BLTP3A: variants seen among roughly 807,000 people sequenced by gnomAD.
BLTP3A encodes the protein bridge-like lipid transfer protein family member 3A, also known as ICBP90 binding protein 1.
chr6:34,804,215 T>G, the BLTP3A span, among the ~76,000 whole-genome samples: 12 of 152,312 alleles, frequency 7.9e-5, no homozygotes, highest in South Asian at 2.5e-3. Context: ...TAGCTCTTCC[T>G]GGATGTCTGG....
the BLTP3A span, among the ~76,000 whole-genome samples, chr6:34,794,519 G>C: frequency 1.3e-5 from 2 of 152,160 alleles, no homozygotes; most frequent in African/African-American, 4.8e-5. Context: ...ACGCAAACAG[G>C]TAATTTTTAT....
chr6:34,801,840 CCATTCTCCTGCCT>C, the BLTP3A span, among the ~76,000 whole-genome samples: 3 of 152,156 alleles, frequency 2.0e-5, no homozygotes, highest in African/African-American at 7.2e-5. Flanking sequence ...CCGGTTCACG[CCATTCTCCTGCCT>C]CAGTCTCCGG....
At chr6:34,827,565 T>C in the BLTP3A span, among the ~76,000 whole-genome samples, 1 of 152,180 alleles carries the variant, frequency 6.6e-6, no homozygotes, top group African/African-American at 2.4e-5. Context: ...GGGGTGTGTA[T>C]GTGTGTTTTA....
chr6:34,859,300 A>G, the BLTP3A span: 2 of 1,613,834 alleles, frequency 1.2e-6, no homozygotes, highest in Non-Finnish European at 1.7e-6. Context: ...GAAACTGAGC[A>G]GAACCCAAGC....
chr6:34,805,936 C>T, the BLTP3A span, among the ~76,000 whole-genome samples: 2 of 151,974 alleles, frequency 1.3e-5, no homozygotes, highest in African/African-American at 2.4e-5. Context: ...ATTTCTCTGT[C>T]TCCTTTTTAA....
At chr6:34,855,784 T>A in the BLTP3A span, 1 of 1,593,748 alleles carries the variant, frequency 6.3e-7, no homozygotes. Context: ...CCCTGACCGC[T>A]TAACAGGAGG....
At chr6:34,838,483 T>C in the BLTP3A span, among the ~76,000 whole-genome samples, 2 of 146,622 alleles carry the variant, frequency 1.4e-5, no homozygotes, top group African/African-American at 2.6e-5. Flanking sequence ...TTTGAAAATA[T>C]CATCTCAAGC....
chr6:34,822,078 T>A, the BLTP3A span: 1 of 1,181,198 alleles, frequency 8.5e-7, no homozygotes, highest in Non-Finnish European at 1.2e-6. Context: ...TATGTCCCTG[T>A]GAGCTTCTCT....
At chr6:34,806,052 T>A in the BLTP3A span, among the ~76,000 whole-genome samples, 1 of 152,224 alleles carries the variant, frequency 6.6e-6, no homozygotes, top group Admixed American at 6.5e-5. Context: ...TAAACCTGGT[T>A]TAACAAGTCT....
chr6:34,816,213 A>C, the BLTP3A span, among the ~76,000 whole-genome samples: 19 of 152,228 alleles, frequency 1.2e-4, no homozygotes, highest in African/African-American at 4.3e-4. Flanking sequence ...CTAACAGTAT[A>C]ACTTATTCTT....
chr6:34,847,459 T>C, the BLTP3A span, among the ~76,000 whole-genome samples: 6 of 149,556 alleles, frequency 4.0e-5, no homozygotes, highest in Non-Finnish European at 8.8e-5. Flanking sequence ...CTGGGAGACT[T>C]TTTATTATAC....
chr6:34,809,608 C>T, the BLTP3A span, among the ~76,000 whole-genome samples: 3 of 152,056 alleles, frequency 2.0e-5, no homozygotes, highest in African/African-American at 7.2e-5. Context: ...CTCTGTTGCC[C>T]AGACTGGAGT....
the BLTP3A span, chr6:34,856,307 C>A: frequency 6.2e-7 from 1 of 1,614,114 alleles, no homozygotes; most frequent in Non-Finnish European, 8.5e-7. Context: ...GGCCCAGAAG[C>A]TGGTGATGGA....
chr6:34,797,786 C>A, the BLTP3A span, among the ~76,000 whole-genome samples: 4 of 152,038 alleles, frequency 2.6e-5, no homozygotes, highest in Non-Finnish European at 5.9e-5. Context: ...CAATTTAGTC[C>A]CCATAATAAC....
chr6:34,812,038 A>G, the BLTP3A span, among the ~76,000 whole-genome samples: 1 of 151,634 alleles, frequency 6.6e-6, no homozygotes, highest in Non-Finnish European at 1.5e-5. Flanking sequence ...AAAAAAGAAA[A>G]AAGAGTTAAG....
chr6:34,859,189 C>T, the BLTP3A span: 1 of 1,614,088 alleles, frequency 6.2e-7, no homozygotes, highest in Non-Finnish European at 8.5e-7. Flanking sequence ...GGATGTATCC[C>T]AGGAGAGGCC....
At chr6:34,863,456 C>T in the BLTP3A span, among the ~76,000 whole-genome samples, 4 of 152,192 alleles carry the variant, frequency 2.6e-5, no homozygotes, top group African/African-American at 9.6e-5. Context: ...ATACCCTCTT[C>T]TCACTTTCAC....
the BLTP3A span, among the ~76,000 whole-genome samples, chr6:34,842,867 C>T: frequency 6.6e-6 from 1 of 152,110 alleles, no homozygotes; most frequent in South Asian, 2.1e-4. Flanking sequence ...TGAGAGGTGG[C>T]TTGCAACTGC....
the BLTP3A span, among the ~76,000 whole-genome samples, chr6:34,832,158 C>G: frequency 6.7e-6 from 1 of 148,276 alleles, no homozygotes; most frequent in African/African-American, 2.5e-5. Flanking sequence ...CTCACTCTGT[C>G]ACTCAGGTTG....
Sources: allele counts gnomAD v4.1 joint callset (sites outside exome capture counted in the v4.1 genomes callset), GRCh38; gene constraint gnomAD v4.1.1; transcripts MANE v1.5; gene names NCBI Gene and HGNC (gene_info 2026-07-23, HGNC 2026-07-21).